RAB30: variants seen among roughly 807,000 people sequenced by gnomAD.
RAB30 encodes the protein ras-related protein Rab-30.
RAB30 carries 9 observed loss-of-function variants against 25.1 expected under a neutral mutation model. The observed-to-expected ratio is 0.36, with a 90% CI of 0.22 to 0.63. RAB30 has a LOEUF of 0.63. RAB30 is among the 20% of genes least tolerant of loss of function. RAB30 has a pLI of 0.69. For missense variants in RAB30, 140 were observed against 243.5 expected (o/e 0.58, Z 2.83); for synonymous variants, 77 against 86.4 (o/e 0.89, Z 0.60).
In RAB30 at chr11:83,003,947, G is replaced by C. The variant is rs547659582; in HGVS notation, c.-8-6623C>G. On this transcript the variant is annotated intron_variant, in intron 1 of 4. Transcript: ENST00000527633. ...TATGACCCTAGATACTCAGTAAGTG[G>C]GGGATGTAGAGGATAGCTTCACAGT... Among the ~76,000 whole-genome samples, 5 of 152,170 alleles carry C rather than the reference G, an allele frequency of 3.3e-5. No individual in the cohort carries two copies. In the East Asian group the frequency reaches 7.7e-4, roughly 24 times the overall value.
chr11:82,988,079 A>G (rs1227708158), intron 3 of RAB30, among the ~76,000 whole-genome samples: 1 of 152,054 alleles, frequency 6.6e-6, no homozygotes, highest in African/African-American at 2.4e-5. Flanking sequence ...TCAAGCATTT[A>G]TTATGTGCCA....
intron 1 of RAB30, among the ~76,000 whole-genome samples, chr11:83,031,852 A>C (rs1857869574): frequency 6.6e-6 from 1 of 152,148 alleles, no homozygotes; most frequent in African/African-American, 2.4e-5. Flanking sequence ...TAACCTGACA[A>C]AAAATGCATA....
intron 1 of RAB30, among the ~76,000 whole-genome samples, chr11:83,030,859 T>C (rs769830463): frequency 8.6e-5 from 13 of 152,012 alleles, no homozygotes; most frequent in South Asian, 2.1e-4. Context: ...AGTTCATACA[T>C]ATGTTGAAGC....
intron 1 of RAB30, among the ~76,000 whole-genome samples, chr11:83,001,264 G>A (rs1294326597): frequency 6.6e-6 from 1 of 152,066 alleles, no homozygotes. Context: ...GCAGTGGCGC[G>A]ATCATGGATC....
At chr11:83,008,749 C>A (rs748970866) in intron 1 of RAB30, among the ~76,000 whole-genome samples, 2 of 152,096 alleles carry the variant, frequency 1.3e-5, no homozygotes, top group Non-Finnish European at 2.9e-5. Context: ...TGAATACACC[C>A]CTGCTTAACC....
At chr11:83,066,180 T>C (rs1858691786) in intron 1 of RAB30, among the ~76,000 whole-genome samples, 1 of 152,192 alleles carries the variant, frequency 6.6e-6, no homozygotes, top group Non-Finnish European at 1.5e-5. Flanking sequence ...AATAGGGCAA[T>C]GGTTCCCTAA....
At position 83,047,522 on chromosome 11, in the gene RAB30, G is replaced by T. The variant is rs11602245; in HGVS notation, c.-9+24169C>A. Among the ~76,000 whole-genome samples the T allele has an allele frequency of 4.1e-3, 629 of 152,190 alleles. 2 individuals carry two copies. The highest frequency in any genetic ancestry group is 0.01 in the Middle Eastern group (3 of 294). ...TTAAAAATACACGATACCAAAACAAGGAATTCAAATATTTATGTCAGGGCA... is the reference window on the plus strand; with the variant it reads ...TTAAAAATACACGATACCAAAACAATGAATTCAAATATTTATGTCAGGGCA... On this transcript the variant is annotated intron_variant, in intron 1 of 4. Transcript: ENST00000527633.
chr11:83,050,409 T>C (rs1858331711), intron 1 of RAB30, among the ~76,000 whole-genome samples: 2 of 152,196 alleles, frequency 1.3e-5, no homozygotes, highest in African/African-American at 4.8e-5. Context: ...TGAGCCCTAT[T>C]GTTCAACAGA....
chr11:82,974,490 T>C lies in RAB30; in HGVS notation c.*7675A>G, dbSNP rs1856507614. The C allele has an allele frequency of 6.6e-6, 1 of 152,188 alleles. No homozygotes were observed. Among genetic ancestry groups the C allele is most frequent in the Non-Finnish European group, 1.5e-5 (1 of 68,020 alleles). The allele number at this position is 152,188 out of a possible 1,614,324, so 9.4% of individuals were successfully genotyped here. ...AAAATATGATGTAGTATACTGTTAA[T>C]ATTTGCATATTAACATTTAAAATCA... On this transcript the variant is annotated 3_prime_UTR_variant, in exon 5 of 5. Transcript: ENST00000527633.
chr11:83,001,070 A>AAT (rs1473650015), intron 1 of RAB30, among the ~76,000 whole-genome samples: 3 of 150,840 alleles, frequency 2.0e-5, no homozygotes, highest in Admixed American at 2.0e-4. Context: ...AAAAAAAAAA[A>AAT]GGCTTTGTCA....
intron 1 of RAB30, among the ~76,000 whole-genome samples, chr11:83,016,539 C>A (rs1181010257): frequency 6.6e-6 from 1 of 152,096 alleles, no homozygotes; most frequent in Non-Finnish European, 1.5e-5. Context: ...ATGGCAGAGA[C>A]ATGGGGCCTA....
chr11:83,068,114 A>C (rs1361186569), intron 1 of RAB30, among the ~76,000 whole-genome samples: 1 of 125,752 alleles, frequency 8.0e-6, no homozygotes. Context: ...ACAGAGTGAG[A>C]CTCTGTCTCA....
chr11:83,041,517 CT>C, intron 1 of RAB30: 1 of 222,114 alleles, frequency 4.5e-6, no homozygotes, highest in Admixed American at 4.4e-5. Flanking sequence ...GCTGCATACA[CT>C]ACCAAGGAAG....
intron 1 of RAB30, among the ~76,000 whole-genome samples, chr11:83,057,752 T>C (rs1015436606): frequency 5.3e-5 from 8 of 152,238 alleles, no homozygotes; most frequent in African/African-American, 1.7e-4. Flanking sequence ...TGTGATTTGA[T>C]GTGTGTACTT....
Position 82,985,229 on chromosome 11 carries a change from T to A in RAB30, c.361+2358A>T, listed in dbSNP as rs1428064762. ...ATCCACCCGCCTCAGCCTCCCAAAG[T>A]GTTGGGATTACAGGCATGAGTCACC... On this transcript the variant is annotated intron_variant, in intron 4 of 4. Transcript: ENST00000527633. 2.0e-5 allele frequency among the ~76,000 whole-genome samples: 3 copies of A among 152,194 alleles called. 1 individual carries two copies. In the South Asian group the frequency reaches 6.2e-4, roughly 31 times the overall value.
chr11:83,035,526 T>G (rs993975312), intron 1 of RAB30: 1 of 152,526 alleles, frequency 6.6e-6, no homozygotes, highest in South Asian at 2.1e-4. Flanking sequence ...CCCTGCTCCA[T>G]AGGCCCATGC....
chr11:83,007,667 A>G (rs1857213338), intron 1 of RAB30, among the ~76,000 whole-genome samples: 1 of 152,204 alleles, frequency 6.6e-6, no homozygotes, highest in South Asian at 2.1e-4. Flanking sequence ...AGAGAAGGGA[A>G]GAGGCCACCG....
At chr11:83,038,536 T>C (rs1199501174) in intron 1 of RAB30, among the ~76,000 whole-genome samples, 2 of 152,102 alleles carry the variant, frequency 1.3e-5, no homozygotes, top group Admixed American at 6.6e-5. Flanking sequence ...AGAAAAATAA[T>C]GAGGCTGGGT....
chr11:83,032,950 C>T (rs1359845507), intron 1 of RAB30, among the ~76,000 whole-genome samples: 1 of 151,804 alleles, frequency 6.6e-6, no homozygotes, highest in Non-Finnish European at 1.5e-5. Flanking sequence ...ATGAAATACC[C>T]GACATCTTAA....
Sources: allele counts gnomAD v4.1 joint callset (sites outside exome capture counted in the v4.1 genomes callset), GRCh38; gene constraint gnomAD v4.1.1; transcripts MANE v1.5; gene names NCBI Gene and HGNC (gene_info 2026-07-23, HGNC 2026-07-21).